Variants in CC2D2B observed in about 807,000 individuals in gnomAD.
CC2D2B encodes the protein protein CC2D2B.
CC2D2B carries 128 observed loss-of-function variants against 161.2 expected under a neutral mutation model. That is an observed-to-expected ratio of 0.79 (90% CI 0.69 to 0.92). The LOEUF is 0.92. CC2D2B is among the 40% of genes least tolerant of loss of function. CC2D2B has a pLI of 0.00. For missense variants in CC2D2B, 1,173 were observed against 1,375.1 expected, an observed-to-expected ratio of 0.85 and a Z score of 2.32; for synonymous variants, 391 against 449.8, an observed-to-expected ratio of 0.87 and a Z score of 1.65.
intron 2 of CC2D2B, chr10:95,919,450 C>T (rs2098522447): frequency 6.6e-6 from 1 of 152,178 alleles, no homozygotes; most frequent in Non-Finnish European, 1.5e-5. Flanking sequence ...CCCTGGATTA[C>T]CAGGCAGGGT....
intron 26 of CC2D2B, among the ~76,000 whole-genome samples, chr10:96,011,406 C>T (rs1335457027): frequency 6.6e-6 from 1 of 152,168 alleles, no homozygotes; most frequent in East Asian, 1.9e-4. Context: ...TGATCTTGCA[C>T]AAATACTTCA....
chr10:95,916,289 CTCTT>C (rs1225316490), intron 2 of CC2D2B, among the ~76,000 whole-genome samples: 5 of 151,824 alleles, frequency 3.3e-5, no homozygotes, highest in Non-Finnish European at 5.9e-5. Context: ...GGTTTTCTCT[CTCTT>C]TGTCTTAGTG....
chr10:96,019,308 A>T lies in CC2D2B; in HGVS notation c.3736A>T (p.Ser1246Cys), dbSNP rs533090635. 22 of 1,611,558 alleles carry T rather than the reference A, an allele frequency of 1.4e-5. No individual in the cohort carries two copies. The East Asian group carries it at 4.2e-4, about 31-fold the overall frequency. ...GTTTGACCCGTTTTGTCCCTTAAAA[A>T]GTGTAGATTGTTTGTTTGATGATAG... ...KQFDPFCPLK[S>C]VDCLFDDRNV... The change falls in exon 31 of 35, where the codon AGT becomes TGT. Residue 1246 changes from serine (S) to cysteine (C), a missense_variant. Ser to Cys is a moderately radical substitution (Grantham distance 112). Around this residue, in one of 3 missense-constraint regions of CC2D2B, gnomAD observed 598 missense variants for 693.2 expected, o/e 0.86. Transcript: ENST00000646931.
intron 19 of CC2D2B, among the ~76,000 whole-genome samples, chr10:95,985,522 TCTTTA>T (rs1368889500): frequency 2.0e-5 from 3 of 152,238 alleles, no homozygotes; most frequent in Admixed American, 6.5e-5. Context: ...CCTATGCCTG[TCTTTA>T]CTTTAATCTC....
intron 6 of CC2D2B, among the ~76,000 whole-genome samples, chr10:95,934,995 C>T (rs968945239): frequency 7.2e-5 from 11 of 152,048 alleles, no homozygotes; most frequent in African/African-American, 2.4e-4. Context: ...CTCAGCCTCC[C>T]GAGTAGCTAG....
chr10:95,974,541 C>T (rs1035489441), intron 17 of CC2D2B, among the ~76,000 whole-genome samples: 2 of 151,990 alleles, frequency 1.3e-5, no homozygotes, highest in Non-Finnish European at 2.9e-5. Context: ...GGTTAATTTT[C>T]AGATTAATTA....
chr10:95,938,609 T>C lies in CC2D2B; in HGVS notation c.576T>C (p.Arg192=). 1.4e-6 allele frequency: 1 copy of C among 711,234 alleles called. No individual in the cohort carries two copies. 44.1% of individuals were successfully genotyped at this position (711,234 alleles called of 1,614,324 possible). ...QRKLPKDMMP[R]ILEDEGFYIQ... The stretch of plus-strand genomic sequence containing the variant: ...AACTGCCAAAAGATATGATGCCACG[T>C]ATTCTAGAAGATGAAGGATTCTATA... The change falls in exon 8 of 35, where the codon CGT becomes CGC. Residue 192 remains arginine (R), a synonymous_variant. Coordinates refer to ENST00000646931, the MANE Select transcript of CC2D2B (RefSeq NM_001349008.3).
intron 25 of CC2D2B, 37 bp downstream of exon 25, chr10:96,004,285 AATT>A: frequency 9.1e-7 from 1 of 1,097,198 alleles, no homozygotes; most frequent in Non-Finnish European, 1.3e-6. Context: ...ATGCTGAAAT[AATT>A]CTAAGGTCAA....
intron 24 of CC2D2B, among the ~76,000 whole-genome samples, chr10:95,997,079 C>A (rs1199283600): frequency 1.3e-5 from 2 of 152,190 alleles, no homozygotes; most frequent in African/African-American, 4.8e-5. Flanking sequence ...TTGCAGCCTC[C>A]ATAATTGTAG....
At chr10:96,014,006 C>G in intron 29 of CC2D2B, 129 bp downstream of exon 29, 1 of 374,014 alleles carries the variant, frequency 2.7e-6, no homozygotes, top group Middle Eastern at 7.7e-4. Flanking sequence ...TAATTTTATA[C>G]ATCATCTTCA....
chr10:95,973,707 A>G (rs2077217947), intron 16 of CC2D2B, among the ~76,000 whole-genome samples: 1 of 151,930 alleles, frequency 6.6e-6, no homozygotes, highest in South Asian at 2.1e-4. Flanking sequence ...AAAAAATACA[A>G]AAAATTAGCC....
At chr10:95,945,916 C>G (rs1214411422) in intron 9 of CC2D2B, among the ~76,000 whole-genome samples, 1 of 151,666 alleles carries the variant, frequency 6.6e-6, no homozygotes, top group African/African-American at 2.4e-5. Context: ...TCCCGAGTAG[C>G]TGGGATTACA....
At chr10:95,924,928 TG>T in intron 5 of CC2D2B, 84 bp downstream of exon 5, 1 of 759,024 alleles carries the variant, frequency 1.3e-6, no homozygotes. Context: ...CCATTTAAAG[TG>T]TATATGACTC....
At position 95,912,178 on chromosome 10, in the gene CC2D2B, T is replaced by G. The variant is rs1006320689; in HGVS notation, c.36+819T>G. Reference sequence around the variant, plus strand: ...CAACTGCACATTAGTTTGGTTAGCATGTACAGTTGTTATTTCAGGAGTCTT... The same window carrying G: ...CAACTGCACATTAGTTTGGTTAGCAGGTACAGTTGTTATTTCAGGAGTCTT... On this transcript the variant is annotated intron_variant, in intron 2 of 34. Transcript: ENST00000646931. 2.0e-5 allele frequency among the ~76,000 whole-genome samples: 3 copies of G among 152,322 alleles called. No individual in the cohort carries two copies. The East Asian group carries it at 5.8e-4, about 29-fold the overall frequency.
intron 29 of CC2D2B, 135 bp from the exon 30 acceptor site, chr10:96,016,066 A>G (rs1473825322): frequency 5.4e-5 from 35 of 644,550 alleles, no homozygotes; most frequent in Non-Finnish European, 8.8e-5. Flanking sequence ...TCTGCTGTCA[A>G]CTTAGCAACT....
intron 16 of CC2D2B, among the ~76,000 whole-genome samples, chr10:95,972,995 C>T (rs2077187713): frequency 1.3e-5 from 2 of 152,136 alleles, no homozygotes; most frequent in Admixed American, 6.5e-5. Context: ...TCCTCTTATA[C>T]GGTTAAATGT....
chr10:95,928,685 C>G (rs2098544052), intron 6 of CC2D2B, among the ~76,000 whole-genome samples: 1 of 152,044 alleles, frequency 6.6e-6, no homozygotes, highest in Admixed American at 6.6e-5. Flanking sequence ...GTGTTAGTTT[C>G]CTGAGACTGA....
intron 3 of CC2D2B, among the ~76,000 whole-genome samples, chr10:95,923,123 T>A (rs2098531019): frequency 6.6e-6 from 1 of 152,136 alleles, no homozygotes; most frequent in African/African-American, 2.4e-5. Flanking sequence ...CAGTTAATTT[T>A]GTATTTTTAG....
At chr10:95,914,773 T>C (rs2098512943) in intron 2 of CC2D2B, among the ~76,000 whole-genome samples, 1 of 152,208 alleles carries the variant, frequency 6.6e-6, no homozygotes, top group African/African-American at 2.4e-5. Flanking sequence ...TAAACTTCTT[T>C]CCTTTATAAA....
Sources: gnomAD v4.1 joint callset for allele counts (sites outside exome capture counted in the v4.1 genomes callset) on GRCh38, gnomAD v4.1.1 for gene constraint, gnomAD v4.1.1 regional missense constraint, MANE v1.5 for transcripts, NCBI Gene and HGNC (gene_info 2026-07-23, HGNC 2026-07-21) for gene names.